Variants in ZNF804A observed in about 807,000 individuals in gnomAD.
ZNF804A encodes zinc finger protein 804A.
In ZNF804A, 2 loss-of-function variants were observed where a neutral mutation model predicts 16.5. The observed-to-expected ratio is 0.12, with a 90% CI of 0.05 to 0.38. ZNF804A has a LOEUF of 0.38. Among genes scored for constraint, ZNF804A ranks in the 10% least tolerant of loss-of-function variants. The pLI is 0.99. For missense variants in ZNF804A, 1,473 were observed against 1,390.7 expected, an observed-to-expected ratio of 1.06 and a Z score of -0.94; for synonymous variants, 534 against 489.6, an observed-to-expected ratio of 1.09 and a Z score of -1.20.
intron 1 of ZNF804A, among the ~76,000 whole-genome samples, chr2:184,637,765 A>C (rs1406193901): frequency 6.6e-6 from 1 of 152,174 alleles, no homozygotes; most frequent in Non-Finnish European, 1.5e-5. Context: ...AATACAACAT[A>C]ATAAAAGTTG....
chr2:184,911,701 C>T (rs565206744), intron 2 of ZNF804A, among the ~76,000 whole-genome samples: 3 of 150,980 alleles, frequency 2.0e-5, no homozygotes, highest in East Asian at 1.9e-4. Flanking sequence ...CTTGGTTAGA[C>T]GTATTCTTGG....
chr2:184,726,489 C>T (rs899260782), intron 1 of ZNF804A, among the ~76,000 whole-genome samples: 1 of 151,074 alleles, frequency 6.6e-6, no homozygotes, highest in Non-Finnish European at 1.5e-5. Context: ...AGAGAACTGT[C>T]GAAATTCAGA....
chr2:184,739,943 CA>C lies in ZNF804A; in HGVS notation c.112-126419del, dbSNP rs371360538. Reference sequence around the variant, plus strand: ...TCTATATTTAAACATTCATTTTCTTCAAAAAAATTAACTCAGTTGTTGAATT... The same window carrying C: ...TCTATATTTAAACATTCATTTTCTTCAAAAAATTAACTCAGTTGTTGAATT... On this transcript the variant is annotated intron_variant, in intron 1 of 3. Transcript: ENST00000302277. 2.2e-3 allele frequency among the ~76,000 whole-genome samples: 329 copies of C among 152,124 alleles called. 1 individual carries two copies. The highest frequency in any genetic ancestry group is 6.8e-3 in the Middle Eastern group (2 of 292).
In ZNF804A at chr2:184,730,602, A is replaced by G. The variant is rs114498513; in HGVS notation, c.111+131532A>G. On this transcript the variant is annotated intron_variant, in intron 1 of 3. Coordinates refer to ENST00000302277, the MANE Select transcript of ZNF804A (RefSeq NM_194250.2). ...TTTCCCTAGTTTTGACTTTTCCAGA[A>G]TGTCATATAGTTTGAAGCACAGTAT... Among the ~76,000 whole-genome samples, 1,382 of 152,212 alleles carry G rather than the reference A, an allele frequency of 9.1e-3. 23 individuals carry two copies. The highest frequency in any genetic ancestry group is 0.032 in the African/African-American group (1,322 of 41,530).
intron 1 of ZNF804A, among the ~76,000 whole-genome samples, chr2:184,721,477 A>C (rs971711101): frequency 1.3e-5 from 2 of 152,174 alleles, no homozygotes; most frequent in African/African-American, 4.8e-5. Context: ...GGTATATAAA[A>C]AAAAATGCTT....
chr2:184,858,396 C>T (rs1012039730), intron 1 of ZNF804A, among the ~76,000 whole-genome samples: 6 of 150,626 alleles, frequency 4.0e-5, no homozygotes, highest in South Asian at 2.1e-4. Context: ...TCCAGGCACT[C>T]GGGAGGGTGA....
At chr2:184,788,812 A>C (rs1427914670) in intron 1 of ZNF804A, among the ~76,000 whole-genome samples, 4 of 152,018 alleles carry the variant, frequency 2.6e-5, no homozygotes, top group African/African-American at 7.2e-5. Context: ...TCCAATTTGG[A>C]TGCATTTAAT....
intron 1 of ZNF804A, among the ~76,000 whole-genome samples, chr2:184,669,118 G>T (rs771681002): frequency 7.2e-5 from 11 of 151,832 alleles, no homozygotes; most frequent in Non-Finnish European, 1.5e-4. Context: ...TGTGAAAAAT[G>T]GTATTATGAG....
At chr2:184,754,570 G>A (rs1480411799) in intron 1 of ZNF804A, among the ~76,000 whole-genome samples, 3 of 151,826 alleles carry the variant, frequency 2.0e-5, no homozygotes, top group Non-Finnish European at 4.4e-5. Context: ...GTAGAAATAA[G>A]TGTTTTGTTT....
intron 1 of ZNF804A, among the ~76,000 whole-genome samples, chr2:184,606,522 C>T (rs920091494): frequency 2.0e-5 from 3 of 152,094 alleles, no homozygotes; most frequent in Admixed American, 1.3e-4. Context: ...AATCATATCA[C>T]GTAGCCAGTT....
intron 2 of ZNF804A, among the ~76,000 whole-genome samples, chr2:184,932,431 GA>G (rs1685716940): frequency 6.6e-6 from 1 of 152,164 alleles, no homozygotes; most frequent in Admixed American, 6.5e-5. Context: ...GCAGGAAAGA[GA>G]GCATGTGCAA....
intron 1 of ZNF804A, among the ~76,000 whole-genome samples, chr2:184,696,400 G>T (rs1692831795): frequency 6.6e-6 from 1 of 152,024 alleles, no homozygotes; most frequent in Non-Finnish European, 1.5e-5. Flanking sequence ...ATGGGGTGAG[G>T]GCAAGTTAGA....
At chr2:184,668,040 C>T (rs1479739079) in intron 1 of ZNF804A, among the ~76,000 whole-genome samples, 1 of 151,536 alleles carries the variant, frequency 6.6e-6, no homozygotes, top group Non-Finnish European at 1.5e-5. Context: ...GCAACAGAAT[C>T]AACTTTACAA....
intron 3 of ZNF804A, 22 bp from the exon 4 acceptor site, chr2:184,935,761 A>G: frequency 1.3e-6 from 2 of 1,549,770 alleles, no homozygotes; most frequent in East Asian, 4.5e-5. Context: ...TATTTAACAC[A>G]TGCTTCTGTT....
At chr2:184,668,449 A>G (rs1271324875) in intron 1 of ZNF804A, among the ~76,000 whole-genome samples, 1 of 136,652 alleles carries the variant, frequency 7.3e-6, no homozygotes, top group African/African-American at 2.5e-5. Context: ...CAGTATCATC[A>G]TTGATTATAT....
intron 1 of ZNF804A, among the ~76,000 whole-genome samples, chr2:184,719,548 C>T (rs1320308214): frequency 2.0e-5 from 3 of 152,162 alleles, no homozygotes; most frequent in Non-Finnish European, 4.4e-5. Flanking sequence ...AAGCAAGTCA[C>T]CTTTTGAATG....
chr2:184,726,139 T>G (rs1365132108), intron 1 of ZNF804A, among the ~76,000 whole-genome samples: 1 of 151,688 alleles, frequency 6.6e-6, no homozygotes, highest in Non-Finnish European at 1.5e-5. Context: ...TTCATTTCTC[T>G]GGATAAATGC....
At chr2:184,713,205 A>T (rs985035364) in intron 1 of ZNF804A, among the ~76,000 whole-genome samples, 1 of 151,664 alleles carries the variant, frequency 6.6e-6, no homozygotes, top group African/African-American at 2.4e-5. Flanking sequence ...AGTCTAGATT[A>T]CTCCTCAATG....
intron 1 of ZNF804A, among the ~76,000 whole-genome samples, chr2:184,702,453 C>A (rs1053704397): frequency 6.6e-6 from 1 of 151,988 alleles, no homozygotes; most frequent in Non-Finnish European, 1.5e-5. Context: ...TCTGAATAAT[C>A]CCTTTAGTTT....
Sources: gnomAD v4.1 joint callset for allele counts (sites outside exome capture counted in the v4.1 genomes callset) on GRCh38, gnomAD v4.1.1 for gene constraint, MANE v1.5 for transcripts, NCBI Gene and HGNC (gene_info 2026-07-23, HGNC 2026-07-21) for gene names.